The following BDNF variants were observed in gnomAD, a reference collection of about 807,000 sequenced individuals.
BDNF encodes neurotrophic factor BDNF precursor form.
Under a neutral mutation model 19.5 loss-of-function variants are expected in BDNF, and 1 was observed. The ratio of observed to expected loss-of-function variants is 0.05; its 90% CI spans 0.02 to 0.24. The LOEUF is 0.24. Among genes scored for constraint, BDNF ranks in the 10% least tolerant of loss-of-function variants. The pLI is 1.00. For missense variants in BDNF, 195 were observed against 317.6 expected, an observed-to-expected ratio of 0.61 and a Z score of 2.93; for synonymous variants, 100 against 121.6, an observed-to-expected ratio of 0.82 and a Z score of 1.17.
intron 1 of BDNF, among the ~76,000 whole-genome samples, chr11:27,713,722 C>T (rs1402541444): frequency 6.6e-6 from 1 of 152,130 alleles, no homozygotes; most frequent in African/African-American, 2.4e-5. Flanking sequence ...ATCACCTTTC[C>T]CAGGTTGCGA....
intron 1 of BDNF, among the ~76,000 whole-genome samples, chr11:27,690,834 A>G (rs1013402): frequency 0.24 from 37,168 of 151,978 alleles, 5,133 homozygotes; most frequent in South Asian, 0.35. Context: ...CACACAATTT[A>G]TAAATACTGT....
upstream of BDNF, among the ~76,000 whole-genome samples, chr11:27,703,053 A>G (rs901770767): frequency 3.9e-5 from 6 of 152,186 alleles, no homozygotes; most frequent in Admixed American, 3.9e-4. Flanking sequence ...ACCTCTGTCA[A>G]CTTGACAGAG....
chr11:27,659,509 A>G (rs1853054155), intron 1 of BDNF: 1 of 1,000,222 alleles, frequency 1.0e-6, no homozygotes, highest in Non-Finnish European at 1.2e-6. Context: ...TGCCTCCCAT[A>G]TGCAGACTCC....
intron 1 of BDNF, chr11:27,660,289 AT>A (rs1853250721): frequency 8.3e-7 from 1 of 1,205,600 alleles, no homozygotes; most frequent in Non-Finnish European, 1.1e-6. Flanking sequence ...ACACAAAAAA[AT>A]TTCTTTTAGA....
intron 1 of BDNF, among the ~76,000 whole-genome samples, chr11:27,683,740 C>G (rs1014217549): frequency 6.6e-6 from 1 of 151,956 alleles, no homozygotes; most frequent in South Asian, 2.1e-4. Flanking sequence ...ATTTCTGAGG[C>G]CTCTGTTCTG....
At chr11:27,676,344 G>T (rs903238427) in intron 1 of BDNF, among the ~76,000 whole-genome samples, 1 of 151,916 alleles carries the variant, frequency 6.6e-6, no homozygotes, top group Admixed American at 6.6e-5. Context: ...AAAAAATATT[G>T]TCCATTTAAA....
chr11:27,717,968 C>A (rs1860579107), intron 1 of BDNF, among the ~76,000 whole-genome samples: 1 of 151,856 alleles, frequency 6.6e-6, no homozygotes, highest in East Asian at 1.9e-4. Flanking sequence ...GACTGTTAAG[C>A]ATTTTTCCTC....
intron 1 of BDNF, among the ~76,000 whole-genome samples, chr11:27,691,649 G>A (rs1277523442): frequency 1.3e-5 from 2 of 152,140 alleles, no homozygotes; most frequent in East Asian, 3.8e-4. Context: ...TACTTGGAGT[G>A]GGCTGCTCAT....
intron 1 of BDNF, among the ~76,000 whole-genome samples, chr11:27,717,945 G>A (rs549366986): frequency 1.3e-5 from 2 of 151,778 alleles, no homozygotes; most frequent in African/African-American, 4.8e-5. Context: ...AGACCTCAAG[G>A]TTACAAGACT....
At chr11:27,664,687 G>A (rs750398945) in intron 1 of BDNF, among the ~76,000 whole-genome samples, 33 of 152,302 alleles carry the variant, frequency 2.2e-4, no homozygotes, top group Non-Finnish European at 2.2e-4. Flanking sequence ...GGAGGCTGAG[G>A]TGGGAGGATT....
At chr11:27,687,086 TG>T (rs1857581673) in intron 1 of BDNF, among the ~76,000 whole-genome samples, 1 of 152,256 alleles carries the variant, frequency 6.6e-6, no homozygotes, top group Admixed American at 6.5e-5. Context: ...CCACATTTCT[TG>T]GAGGCTTTGT....
intron 1 of BDNF, among the ~76,000 whole-genome samples, chr11:27,662,470 A>AT (rs1191888948): frequency 6.6e-6 from 1 of 152,232 alleles, no homozygotes; most frequent in African/African-American, 2.4e-5. Context: ...TCAGGTAAAT[A>AT]TAGGCTGTGC....
chr11:27,708,218 G>A (rs1050339956), intron 1 of BDNF, among the ~76,000 whole-genome samples: 1 of 152,080 alleles, frequency 6.6e-6, no homozygotes, highest in Non-Finnish European at 1.5e-5. Flanking sequence ...GTCCCTTTAT[G>A]TTCATACTAA....
Position 27,657,836 on chromosome 11 carries a change from A to T in BDNF, c.729T>A (p.Ile243=). The part of the protein sequence containing the change: ...IDTSCVCTLT[I]KRGR Reference sequence around the variant, plus strand: ...CATAAATCCACTATCTTCCCCTTTTAATGGTCAATGTACATACACAAGAAG... The same window carrying T: ...CATAAATCCACTATCTTCCCCTTTTTATGGTCAATGTACATACACAAGAAG... Residue 243 remains isoleucine (I), a synonymous_variant, in exon 2 of 2, where the codon ATT becomes ATA. Transcript: ENST00000356660. The surrounding 1 kb of genome is among the most constrained non-coding windows in gnomAD (Gnocchi z 5.0). The T allele has an allele frequency of 2.5e-6, 4 of 1,613,850 alleles. No individual in the cohort carries two copies. The highest frequency in any genetic ancestry group is 3.4e-6 in the Non-Finnish European group (4 of 1,179,766).
intron 1 of BDNF, chr11:27,697,798 T>C (rs933575601): frequency 6.6e-5 from 10 of 152,202 alleles, no homozygotes; most frequent in Non-Finnish European, 1.3e-4. Flanking sequence ...AACTCAGCTC[T>C]GAATGGGCTA....
intron 1 of BDNF, among the ~76,000 whole-genome samples, chr11:27,716,235 T>A (rs1373818324): frequency 6.6e-6 from 1 of 152,084 alleles, no homozygotes; most frequent in Non-Finnish European, 1.5e-5. Flanking sequence ...AGGGGAAAAA[T>A]TTTTTTGTTG....
intron 1 of BDNF, chr11:27,721,353 C>G: frequency 2.5e-6 from 4 of 1,596,380 alleles, no homozygotes; most frequent in Non-Finnish European, 3.4e-6. Context: ...GTGATATGCC[C>G]GTTGTTAAGC....
intron 1 of BDNF, among the ~76,000 whole-genome samples, chr11:27,715,033 T>C (rs892279574): frequency 6.6e-6 from 1 of 152,126 alleles, no homozygotes; most frequent in Non-Finnish European, 1.5e-5. Flanking sequence ...TCCACCAAGA[T>C]AGGGACCATT....
At chr11:27,669,773 G>A (rs531133311) in intron 1 of BDNF, among the ~76,000 whole-genome samples, 9 of 152,248 alleles carry the variant, frequency 5.9e-5, no homozygotes, top group African/African-American at 2.2e-4. Flanking sequence ...CAAACAAATG[G>A]AAGAACATTC....
Sources: gnomAD v4.1 joint callset for allele counts (sites outside exome capture counted in the v4.1 genomes callset) on GRCh38, gnomAD v4.1.1 for gene constraint, Gnocchi (gnomAD v3.1) non-coding constraint, MANE v1.5 for transcripts, NCBI Gene and HGNC (gene_info 2026-07-23, HGNC 2026-07-21) for gene names.